SUGCT: variants seen among roughly 807,000 people sequenced by gnomAD.
The protein encoded by SUGCT is succinyl-CoA:glutarate-CoA transferase.
In SUGCT, 41 loss-of-function variants were observed where a neutral mutation model predicts 55.0. The ratio of observed to expected loss-of-function variants is 0.74; its 90% CI spans 0.58 to 0.97. The LOEUF is 0.97. Among genes scored for constraint, SUGCT ranks in the 50% least tolerant of loss-of-function variants. The probability of loss-of-function intolerance (pLI) is 0.00; values close to 1 mark genes in which losing one functional copy is unlikely to be tolerated. For synonymous variants in SUGCT, 187 were observed against 200.4 expected, an observed-to-expected ratio of 0.93 and a Z score of 0.56; for missense variants, 568 against 547.8, an observed-to-expected ratio of 1.04 and a Z score of -0.37.
At chr7:40,249,327 A>ATCTATATATATC (rs1562612076) in intron 7 of SUGCT, among the ~76,000 whole-genome samples, 1 of 117,714 alleles carries the variant, frequency 8.5e-6, no homozygotes, top group Non-Finnish European at 1.8e-5. Context: ...ATATATATAT[A>ATCTATATATATC]TATATATATA....
the SUGCT span, chr7:40,964,548 A>G: frequency 6.6e-6 from 1 of 152,182 alleles, no homozygotes; most frequent in African/African-American, 2.4e-5. Context: ...CAAAGCTCAC[A>G]TAGTGAAAAG....
At chr7:40,385,527 T>G (rs1785075126) in intron 9 of SUGCT, among the ~76,000 whole-genome samples, 1 of 152,212 alleles carries the variant, frequency 6.6e-6, no homozygotes, top group South Asian at 2.1e-4. Context: ...TCCTAGTCTT[T>G]CTGTAGGATT....
chr7:40,993,284 A>G, the SUGCT span, among the ~76,000 whole-genome samples: 2 of 152,072 alleles, frequency 1.3e-5, no homozygotes, highest in Non-Finnish European at 2.9e-5. Flanking sequence ...GCAATCCTAG[A>G]TGTGTTCAGT....
intron 1 of SUGCT, chr7:40,153,714 G>A: frequency 2.0e-6 from 1 of 490,494 alleles, no homozygotes; most frequent in South Asian, 1.6e-5. Context: ...ATAATCCTCT[G>A]GTTGTGAATA....
intron 7 of SUGCT, among the ~76,000 whole-genome samples, chr7:40,249,313 C>CTATATATATATATA (rs57348487): frequency 0.011 from 909 of 79,172 alleles, 10 homozygotes; most frequent in East Asian, 0.023. Flanking sequence ...CACCAAAAAG[C>CTATATATATATATA]TATATATATA....
intron 3 of SUGCT, among the ~76,000 whole-genome samples, chr7:40,186,033 C>T (rs1244284600): frequency 1.3e-5 from 2 of 152,002 alleles, no homozygotes; most frequent in South Asian, 2.1e-4. Flanking sequence ...TCCACTTCTA[C>T]AGTTCCTCAA....
At chr7:40,743,760 G>A (rs1787585811) in intron 12 of SUGCT, among the ~76,000 whole-genome samples, 1 of 152,062 alleles carries the variant, frequency 6.6e-6, no homozygotes, top group Admixed American at 6.6e-5. Context: ...CAGTCTATTG[G>A]TAACAGGAAA....
At chr7:40,541,389 C>A (rs1794670728) in intron 12 of SUGCT, among the ~76,000 whole-genome samples, 1 of 152,142 alleles carries the variant, frequency 6.6e-6, no homozygotes, top group African/African-American at 2.4e-5. Context: ...ATTACCTATT[C>A]CTGTGACCCT....
At chr7:40,650,452 T>G (rs539742824) in intron 12 of SUGCT, among the ~76,000 whole-genome samples, 7 of 152,248 alleles carry the variant, frequency 4.6e-5, no homozygotes, top group African/African-American at 1.7e-4. Flanking sequence ...TAATCTGAGA[T>G]CATTTAGAGG....
At chr7:40,748,754 C>T (rs1431135956) in intron 12 of SUGCT, among the ~76,000 whole-genome samples, 2 of 152,062 alleles carry the variant, frequency 1.3e-5, no homozygotes, top group African/African-American at 4.8e-5. Flanking sequence ...CTTTTTTACT[C>T]CAGTATCCTG....
chr7:40,336,689 C>CA (rs1336272047), intron 9 of SUGCT, among the ~76,000 whole-genome samples: 8 of 152,040 alleles, frequency 5.3e-5, no homozygotes, highest in African/African-American at 1.9e-4. Flanking sequence ...TTGATCTTTT[C>CA]AAAAAACCAG....
chr7:40,572,254 G>A (rs969625277), intron 12 of SUGCT, among the ~76,000 whole-genome samples: 1 of 152,086 alleles, frequency 6.6e-6, no homozygotes, highest in African/African-American at 2.4e-5. Context: ...AAAATTCAGG[G>A]GGGAAAAAGA....
intron 13 of SUGCT, among the ~76,000 whole-genome samples, chr7:40,774,779 A>AT: frequency 1.9e-5 from 1 of 52,074 alleles, no homozygotes; most frequent in East Asian, 7.2e-4. Flanking sequence ...TTGGCAAATA[A>AT]AAAAAAAAAA....
At chr7:40,411,895 C>T (rs554326489) in intron 9 of SUGCT, among the ~76,000 whole-genome samples, 43 of 152,222 alleles carry the variant, frequency 2.8e-4, no homozygotes, top group African/African-American at 1.0e-3. Flanking sequence ...CAAATATGTA[C>T]ATCTATTATG....
intron 12 of SUGCT, among the ~76,000 whole-genome samples, chr7:40,559,076 C>G (rs1035535545): frequency 1.8e-4 from 27 of 152,182 alleles, no homozygotes; most frequent in African/African-American, 6.3e-4. Flanking sequence ...CCTGTGAGTG[C>G]AGTGAGTCCA....
intron 1 of SUGCT, among the ~76,000 whole-genome samples, chr7:40,173,691 G>A (rs1459821161): frequency 1.3e-5 from 2 of 151,974 alleles, no homozygotes; most frequent in African/African-American, 4.8e-5. Flanking sequence ...TTTAAAGGTG[G>A]GTGTGGTCAC....
chr7:40,387,277 G>A (rs570543244), intron 9 of SUGCT, among the ~76,000 whole-genome samples: 40 of 152,246 alleles, frequency 2.6e-4, no homozygotes, highest in Middle Eastern at 6.8e-3. Flanking sequence ...AAAAATGAGT[G>A]ATCTTGCCCT....
chr7:40,986,075 A>G, the SUGCT span, among the ~76,000 whole-genome samples: 6 of 152,242 alleles, frequency 3.9e-5, no homozygotes, highest in Non-Finnish European at 8.8e-5. Context: ...TTTACACAAC[A>G]TGAGCCGAAT....
chr7:40,563,530 A>G (rs1795957919), intron 12 of SUGCT, among the ~76,000 whole-genome samples: 1 of 150,932 alleles, frequency 6.6e-6, no homozygotes, highest in Non-Finnish European at 1.5e-5. Flanking sequence ...ACATAGTGAG[A>G]CCTTGTCTTT....
Sources: gnomAD v4.1 joint callset for allele counts (sites outside exome capture counted in the v4.1 genomes callset) on GRCh38, gnomAD v4.1.1 for gene constraint, MANE v1.5 for transcripts, NCBI Gene and HGNC (gene_info 2026-07-23, HGNC 2026-07-21) for gene names.